SBF2: variants seen among roughly 807,000 people sequenced by gnomAD.
SBF2 encodes myotubularin-related protein 13.
A neutral mutation model predicts 225.2 loss-of-function variants in SBF2; 112 were observed. That is an observed-to-expected ratio of 0.50 (90% confidence interval 0.43 to 0.58). The LOEUF (loss-of-function observed/expected upper bound fraction) is 0.58, where lower values mean the gene tolerates loss of function less well. Ranked by LOEUF, SBF2 falls within the 20% of genes least tolerant of loss-of-function variation. The pLI is 0.00. For synonymous variants in SBF2, 763 were observed against 773.3 expected (o/e 0.99, Z 0.22); for missense variants, 1,996 against 2,206.2 (o/e 0.90, Z 1.91).
At chr11:10,244,905 G>C (rs527704305) in intron 1 of SBF2, among the ~76,000 whole-genome samples, 70 of 152,066 alleles carry the variant, frequency 4.6e-4, no homozygotes, top group Admixed American at 9.8e-4. Flanking sequence ...GGAGGCCAAG[G>C]GGGGTGGATC....
chr11:9,833,648 C>T (rs1274190414), intron 26 of SBF2, among the ~76,000 whole-genome samples: 1 of 152,054 alleles, frequency 6.6e-6, no homozygotes, highest in Non-Finnish European at 1.5e-5. Flanking sequence ...TCTCGATCTC[C>T]TGACCTCGTG....
At chr11:9,891,992 TA>T (rs1278154818) in intron 17 of SBF2, among the ~76,000 whole-genome samples, 4 of 152,218 alleles carry the variant, frequency 2.6e-5, no homozygotes, top group Non-Finnish European at 5.9e-5. Flanking sequence ...ATGGATTAAT[TA>T]AAAATAATTA....
At chr11:9,788,621 G>GTCTT (rs1246348454) in intron 35 of SBF2, among the ~76,000 whole-genome samples, 1 of 143,870 alleles carries the variant, frequency 7.0e-6, no homozygotes, top group Non-Finnish European at 1.5e-5. Flanking sequence ...CTGAGACGGA[G>GTCTT]TCTTGCTCTG....
intron 2 of SBF2, among the ~76,000 whole-genome samples, chr11:10,127,717 TTAAGAGA>T (rs1327986410): frequency 6.6e-6 from 1 of 152,146 alleles, no homozygotes; most frequent in East Asian, 1.9e-4. Context: ...CGAAAGCACC[TTAAGAGA>T]TAGGGATTTT....
intron 13 of SBF2, among the ~76,000 whole-genome samples, chr11:9,980,723 C>T (rs570450903): frequency 2.7e-4 from 41 of 152,066 alleles, no homozygotes; most frequent in South Asian, 6.2e-4. Flanking sequence ...GGACTACAGG[C>T]GCCTGACACC....
intron 17 of SBF2, among the ~76,000 whole-genome samples, chr11:9,868,499 CA>C (rs1431614796): frequency 2.0e-5 from 3 of 151,512 alleles, no homozygotes; most frequent in African/African-American, 7.3e-5. Flanking sequence ...GCCTGGGCAA[CA>C]GAGTGACAGA....
intron 38 of SBF2, among the ~76,000 whole-genome samples, chr11:9,783,934 G>A (rs763296509): frequency 1.3e-5 from 2 of 152,174 alleles, no homozygotes; most frequent in Non-Finnish European, 2.9e-5. Flanking sequence ...TTTCTGCTGC[G>A]AGGACGAAGG....
At chr11:10,045,472 C>T (rs568264514) in intron 2 of SBF2, among the ~76,000 whole-genome samples, 1 of 152,212 alleles carries the variant, frequency 6.6e-6, no homozygotes, top group African/African-American at 2.4e-5. Flanking sequence ...CGGCCTATTG[C>T]TTTTCAAAAA....
chr11:9,841,488 G>A (rs1856136754), intron 25 of SBF2, among the ~76,000 whole-genome samples: 1 of 151,672 alleles, frequency 6.6e-6, no homozygotes, highest in Non-Finnish European at 1.5e-5. Context: ...GTATGTACAT[G>A]TTCTCACCCA....
chr11:9,813,802 C>T (rs890197931), intron 29 of SBF2, among the ~76,000 whole-genome samples: 28 of 151,940 alleles, frequency 1.8e-4, no homozygotes, highest in Non-Finnish European at 3.4e-4. Flanking sequence ...AGTAGCCAGG[C>T]GTGGTGACAG....
chr11:10,113,425 A>T (rs1158077358), intron 2 of SBF2, among the ~76,000 whole-genome samples: 1 of 152,228 alleles, frequency 6.6e-6, no homozygotes, highest in Admixed American at 6.5e-5. Flanking sequence ...GTTTCATCTG[A>T]TATTTTTCTA....
rs773062594 is a variant in SBF2, at chr11:9,962,003, T to C, written c.1814A>G (p.His605Arg). The change falls in exon 16 of 40, where the codon CAT (histidine) becomes CGT (arginine). Residue 605 changes from histidine (H) to arginine (R), a missense_variant. Physicochemically the swap from His to Arg is conservative, Grantham distance 29 (BLOSUM62 0). Transcript: ENST00000256190. ...CCTTATTATGTAGTCAAACTGTTGA[T>C]GGTCTAATATTGCCCGGTTTTGCTG... is the stretch of plus-strand genomic sequence containing the variant. The part of the protein sequence containing the change: ...HVQQNRAILD[H>R]QQFDYIIRMM... 6.2e-7 allele frequency: 1 copy of C among 1,614,098 alleles called. No homozygotes were observed. Among genetic ancestry groups the C allele is most frequent in the Admixed American group, 1.7e-5 (1 of 60,022 alleles).
intron 1 of SBF2, among the ~76,000 whole-genome samples, chr11:10,240,275 A>AAAAAAAAAAAAAC (rs528141535): frequency 6.7e-6 from 1 of 149,620 alleles, no homozygotes; most frequent in Non-Finnish European, 1.5e-5. Context: ...AAAAAAAAAA[A>AAAAAAAAAAAAAC]CAGGATAACC....
chr11:10,269,967 CCTCT>C (rs1425614757), intron 1 of SBF2, among the ~76,000 whole-genome samples: 4 of 152,080 alleles, frequency 2.6e-5, no homozygotes, highest in South Asian at 4.1e-4. Flanking sequence ...AAATTTACTG[CCTCT>C]CTATTTGATC....
At chr11:10,116,191 AT>A (rs1198038860) in intron 2 of SBF2, among the ~76,000 whole-genome samples, 3 of 152,256 alleles carry the variant, frequency 2.0e-5, no homozygotes, top group East Asian at 3.9e-4. Context: ...AGGAAAAAAA[AT>A]ATTTGTTTAT....
chr11:10,115,334 T>C (rs2135028400), intron 2 of SBF2, among the ~76,000 whole-genome samples: 1 of 152,328 alleles, frequency 6.6e-6, no homozygotes, highest in South Asian at 2.1e-4. Context: ...AAAATAATAT[T>C]AAATACATTC....
Position 10,138,990 on chromosome 11 carries a change from G to A in SBF2, c.141+54912C>T, listed in dbSNP as rs1429778768. On this transcript the variant is annotated intron_variant, in intron 2 of 39. Coordinates refer to ENST00000256190, the MANE Select transcript of SBF2 (RefSeq NM_030962.4). ...AGACTGCTAATTTGCCCATCAACTG[G>A]ACTCTTTAACAAATGTGACTATGGA... 2.0e-5 allele frequency among the ~76,000 whole-genome samples: 3 copies of A among 152,020 alleles called. No individual in the cohort carries two copies. The East Asian group carries it at 5.8e-4, about 29-fold the overall frequency.
chr11:10,052,775 T>C (rs1424193855), intron 2 of SBF2, among the ~76,000 whole-genome samples: 1 of 152,156 alleles, frequency 6.6e-6, no homozygotes, highest in Non-Finnish European at 1.5e-5. Context: ...CCAAGACTGT[T>C]AGACATTAAG....
intron 29 of SBF2, among the ~76,000 whole-genome samples, chr11:9,814,718 A>G (rs541773092): frequency 1.3e-5 from 2 of 152,340 alleles, no homozygotes; most frequent in East Asian, 3.9e-4. Flanking sequence ...AAAAACTTAT[A>G]ATAGACAAAA....
Sources: gnomAD v4.1 joint callset for allele counts (sites outside exome capture counted in the v4.1 genomes callset) on GRCh38, gnomAD v4.1.1 for gene constraint, MANE v1.5 for transcripts, NCBI Gene and HGNC (gene_info 2026-07-23, HGNC 2026-07-21) for gene names.